The following LINGO2 variants were observed in gnomAD, a reference collection of about 807,000 sequenced individuals.
The protein encoded by LINGO2 is leucine-rich repeat and immunoglobulin-like domain-containing nogo receptor-interacting protein 2.
In LINGO2, 14 loss-of-function variants were observed where a neutral mutation model predicts 30.6. The ratio of observed to expected loss-of-function variants is 0.46; its 90% CI spans 0.30 to 0.72. LINGO2 has a LOEUF of 0.72. LINGO2 is among the 30% of genes least tolerant of loss of function. LINGO2 has a pLI of 0.07. For synonymous variants in LINGO2, 317 were observed against 288.5 expected (o/e 1.10, Z -1.00); for missense variants, 729 against 751.7 (o/e 0.97, Z 0.35).
chr9:28,645,108 T>C (rs1185229385), intron 1 of LINGO2, among the ~76,000 whole-genome samples: 1 of 152,146 alleles, frequency 6.6e-6, no homozygotes, highest in Non-Finnish European at 1.5e-5. Context: ...CTATATTCTC[T>C]TATCCGATGG....
intron 2 of LINGO2, among the ~76,000 whole-genome samples, chr9:28,472,503 A>C (rs565608443): frequency 2.6e-5 from 4 of 152,248 alleles, no homozygotes; most frequent in African/African-American, 9.6e-5. Flanking sequence ...TCTTTGTCTA[A>C]GTTTACTATT....
chr9:28,991,093 A>G, the LINGO2 span, among the ~76,000 whole-genome samples: 5 of 152,276 alleles, frequency 3.3e-5, no homozygotes, highest in African/African-American at 1.2e-4. Flanking sequence ...TTCAAACCAA[A>G]GGCAAAGAAG....
At chr9:28,151,885 G>A (rs1828010727) in intron 4 of LINGO2, among the ~76,000 whole-genome samples, 1 of 152,012 alleles carries the variant, frequency 6.6e-6, no homozygotes, top group Non-Finnish European at 1.5e-5. Context: ...TCTTGGACTA[G>A]ATGATTTAAC....
At chr9:28,690,911 A>G in the LINGO2 span, among the ~76,000 whole-genome samples, 1 of 152,196 alleles carries the variant, frequency 6.6e-6, no homozygotes, top group Non-Finnish European at 1.5e-5. Flanking sequence ...GTGGACCATT[A>G]TTATAAATAA....
chr9:29,065,443 T>C, the LINGO2 span, among the ~76,000 whole-genome samples: 1 of 152,106 alleles, frequency 6.6e-6, no homozygotes, highest in Non-Finnish European at 1.5e-5. Flanking sequence ...AGTTAATTTT[T>C]ATATAGTGAA....
chr9:29,056,766 A>C, the LINGO2 span, among the ~76,000 whole-genome samples: 1 of 152,148 alleles, frequency 6.6e-6, no homozygotes, highest in Non-Finnish European at 1.5e-5. Context: ...ATTTTTCTGT[A>C]AGGTAAGAGA....
the LINGO2 span, among the ~76,000 whole-genome samples, chr9:28,771,891 T>A: frequency 1.3e-5 from 2 of 152,272 alleles, no homozygotes; most frequent in African/African-American, 4.8e-5. Flanking sequence ...TCTCATTTTT[T>A]AACATATCAC....
At chr9:28,494,917 C>G (rs1028131781) in intron 1 of LINGO2, among the ~76,000 whole-genome samples, 49 of 152,294 alleles carry the variant, frequency 3.2e-4, no homozygotes, top group African/African-American at 1.0e-3. Flanking sequence ...ATTCTAACTG[C>G]TGTGAGATGG....
chr9:29,006,000 T>C, the LINGO2 span, among the ~76,000 whole-genome samples: 1 of 151,962 alleles, frequency 6.6e-6, no homozygotes, highest in African/African-American at 2.4e-5. Flanking sequence ...TTGAATTTAA[T>C]CTAATCTCTG....
chr9:28,965,894 A>T, the LINGO2 span, among the ~76,000 whole-genome samples: 1 of 152,156 alleles, frequency 6.6e-6, no homozygotes, highest in Non-Finnish European at 1.5e-5. Flanking sequence ...CAAGGGCTGC[A>T]TAGGGAAAAT....
chr9:28,638,792 T>C (rs1272071311), intron 1 of LINGO2, among the ~76,000 whole-genome samples: 1 of 152,192 alleles, frequency 6.6e-6, no homozygotes, highest in African/African-American at 2.4e-5. Context: ...ATTGATTTTT[T>C]GAAGGGTTTT....
At chr9:28,778,546 C>G in the LINGO2 span, among the ~76,000 whole-genome samples, 1 of 152,218 alleles carries the variant, frequency 6.6e-6, no homozygotes. Flanking sequence ...TGATGACATA[C>G]TAGAAGTTCA....
chr9:28,030,392 A>C (rs1823608090), intron 4 of LINGO2, among the ~76,000 whole-genome samples: 1 of 152,226 alleles, frequency 6.6e-6, no homozygotes, highest in Non-Finnish European at 1.5e-5. Flanking sequence ...CCCTAAACTA[A>C]GACTCATTGG....
At chr9:28,581,404 G>C (rs900985366) in intron 1 of LINGO2, among the ~76,000 whole-genome samples, 2 of 151,568 alleles carry the variant, frequency 1.3e-5, no homozygotes, top group Non-Finnish European at 2.9e-5. Context: ...TTTTCTAAGT[G>C]TATAGAAACT....
At chr9:28,931,739 C>G in the LINGO2 span, among the ~76,000 whole-genome samples, 1 of 152,138 alleles carries the variant, frequency 6.6e-6, no homozygotes, top group Admixed American at 6.5e-5. Flanking sequence ...TTTTCAATGA[C>G]TTCAAATGCA....
chr9:28,281,718 T>A (rs1416942543), intron 4 of LINGO2, among the ~76,000 whole-genome samples: 2 of 152,128 alleles, frequency 1.3e-5, no homozygotes, highest in African/African-American at 2.4e-5. Context: ...AAATACACTA[T>A]GTTACTGATT....
chr9:28,847,791 C>CAT, the LINGO2 span, among the ~76,000 whole-genome samples: 4 of 43,354 alleles, frequency 9.2e-5, no homozygotes, highest in African/African-American at 2.8e-4. Flanking sequence ...TATATATACA[C>CAT]ATATATGTAT....
the LINGO2 span, among the ~76,000 whole-genome samples, chr9:28,830,975 G>A: frequency 6.6e-6 from 1 of 152,234 alleles, no homozygotes. Flanking sequence ...AACATGAGAA[G>A]GGCTGTGGGC....
chr9:28,350,803 C>G (rs2134442445), intron 3 of LINGO2, among the ~76,000 whole-genome samples: 1 of 151,286 alleles, frequency 6.6e-6, no homozygotes, highest in Middle Eastern at 3.4e-3. Context: ...AACTATCTCT[C>G]AGACCACAGT....
Sources: gnomAD v4.1 joint callset for allele counts (sites outside exome capture counted in the v4.1 genomes callset) on GRCh38, gnomAD v4.1.1 for gene constraint, MANE v1.5 for transcripts, NCBI Gene and HGNC (gene_info 2026-07-23, HGNC 2026-07-21) for gene names.